Variants in WDR7 observed in about 807,000 individuals in gnomAD.
The protein encoded by WDR7 is WD repeat domain 7.
WDR7 carries 46 observed loss-of-function variants against 169.4 expected under a neutral mutation model. The ratio of observed to expected loss-of-function variants is 0.27; its 90% confidence interval spans 0.21 to 0.35. The LOEUF (loss-of-function observed/expected upper bound fraction) is 0.35. WDR7 is among the 10% of genes least tolerant of loss of function. The probability of loss-of-function intolerance (pLI) is 1.00; values close to 1 mark genes in which losing one functional copy is unlikely to be tolerated. For synonymous variants in WDR7, 612 were observed against 666.8 expected (o/e 0.92, Z 1.27); for missense variants, 1,534 against 1,859.3 (o/e 0.83, Z 3.22).
chr18:56,700,131 A>G (rs2025790681), intron 12 of WDR7, among the ~76,000 whole-genome samples: 1 of 152,124 alleles, frequency 6.6e-6, no homozygotes, highest in African/African-American at 2.4e-5. Flanking sequence ...TTCAAAGATG[A>G]CAAATATTGC....
At chr18:56,689,797 G>T (rs2025525653) in intron 7 of WDR7, among the ~76,000 whole-genome samples, 1 of 132,980 alleles carries the variant, frequency 7.5e-6, no homozygotes, top group Admixed American at 7.3e-5. Context: ...ATACTATATT[G>T]TTCTAACTTT....
chr18:56,749,253 T>A (rs1237383908), intron 14 of WDR7, among the ~76,000 whole-genome samples: 2 of 152,136 alleles, frequency 1.3e-5, no homozygotes, highest in African/African-American at 4.8e-5. Flanking sequence ...TTTAGGAAAT[T>A]TAAAATTATT....
At chr18:56,996,956 G>GA (rs960485847) in intron 26 of WDR7, among the ~76,000 whole-genome samples, 23 of 150,384 alleles carry the variant, frequency 1.5e-4, no homozygotes, top group Admixed American at 7.3e-4. Flanking sequence ...CTAAGAAGAA[G>GA]AAAAAAAAAC....
intron 18 of WDR7, among the ~76,000 whole-genome samples, chr18:56,780,398 G>C (rs74619241): frequency 2.6e-5 from 4 of 151,902 alleles, no homozygotes; most frequent in African/African-American, 9.7e-5. Flanking sequence ...ACTCCAAATG[G>C]GATTGCAGAA....
chr18:56,911,979 C>T (rs962464148), intron 21 of WDR7, among the ~76,000 whole-genome samples: 5 of 152,200 alleles, frequency 3.3e-5, no homozygotes, highest in African/African-American at 1.2e-4. Flanking sequence ...AAAAACTGAG[C>T]ATGAGCCTTT....
rs1012947951 is a variant in WDR7, at chr18:56,759,087, G to A, written c.2848+134G>A. The A allele has an allele frequency of 1.0e-5, 6 of 573,100 alleles. No individual in the cohort carries two copies. In the African/African-American group the frequency reaches 1.2e-4, roughly 11 times the overall value. 35.5% of individuals were successfully genotyped at this position (573,100 alleles called of 1,614,324 possible). A position where few individuals can be genotyped will look rare whatever the true frequency, so the allele number is the denominator to read the frequency against. ...AGAGAAAAGTTGTTATATTCCAGAT[G>A]TAAATATGGATAATTAAGATGTCAG... On this transcript the variant is annotated intron_variant, in intron 16 of 27. Coordinates refer to ENST00000254442, the MANE Select transcript of WDR7 (RefSeq NM_015285.3).
chr18:56,821,705 G>A lies in WDR7; in HGVS notation c.3304+5561G>A, dbSNP rs1306661959. 3.3e-5 allele frequency among the ~76,000 whole-genome samples: 5 copies of A among 150,886 alleles called. No homozygotes were observed. In the East Asian group the frequency reaches 9.7e-4, roughly 29 times the overall value. On this transcript the variant is annotated intron_variant, in intron 20 of 27. Transcript: ENST00000254442. Reference sequence around the variant, plus strand: ...GCCTAGGCTGGTCTCAAACTCTTGGGTTTGGCTGGGCATGAATAGTGGCTC... The same window carrying A: ...GCCTAGGCTGGTCTCAAACTCTTGGATTTGGCTGGGCATGAATAGTGGCTC...
chr18:56,840,635 A>G (rs1165835518), intron 20 of WDR7, among the ~76,000 whole-genome samples: 2 of 152,130 alleles, frequency 1.3e-5, no homozygotes, highest in African/African-American at 4.8e-5. Context: ...AGCCTGGGCA[A>G]CATGGCAAAA....
chr18:56,802,507 G>A (rs1457134977), intron 19 of WDR7, among the ~76,000 whole-genome samples: 6 of 146,622 alleles, frequency 4.1e-5, no homozygotes, highest in African/African-American at 7.6e-5. Context: ...ACAGGCACCC[G>A]CCGCCACACC....
intron 18 of WDR7, among the ~76,000 whole-genome samples, chr18:56,780,088 C>T (rs1438546013): frequency 6.6e-6 from 1 of 152,074 alleles, no homozygotes; most frequent in African/African-American, 2.4e-5. Flanking sequence ...TAATATATTC[C>T]TCATGGGATT....
At chr18:56,904,205 G>A (rs1447456793) in intron 21 of WDR7, among the ~76,000 whole-genome samples, 1 of 151,886 alleles carries the variant, frequency 6.6e-6, no homozygotes, top group Non-Finnish European at 1.5e-5. Flanking sequence ...GAGTAGCTGG[G>A]ATTACAGGCA....
At chr18:56,672,404 A>T in intron 1 of WDR7, 93 bp from the exon 2 acceptor site, 4 of 1,055,846 alleles carry the variant, frequency 3.8e-6, no homozygotes, top group Non-Finnish European at 5.1e-6. Flanking sequence ...GGAATATATG[A>T]TTATTTTCAA....
intron 26 of WDR7, among the ~76,000 whole-genome samples, chr18:57,011,912 C>G (rs2048142059): frequency 6.6e-6 from 1 of 152,208 alleles, no homozygotes; most frequent in African/African-American, 2.4e-5. Flanking sequence ...GTTCCTAACT[C>G]TAATTATCCT....
At chr18:56,876,648 A>T (rs984131566) in intron 20 of WDR7, among the ~76,000 whole-genome samples, 5 of 152,170 alleles carry the variant, frequency 3.3e-5, no homozygotes, top group African/African-American at 4.8e-5. Flanking sequence ...GTGCATTGCT[A>T]CTCAGAAAAA....
intron 21 of WDR7, among the ~76,000 whole-genome samples, chr18:56,896,801 A>G (rs187344918): frequency 1.1e-4 from 16 of 151,980 alleles, no homozygotes; most frequent in South Asian, 2.1e-4. Flanking sequence ...ATGCCAAACC[A>G]AGCCACTAAG....
chr18:56,880,293 C>A, intron 21 of WDR7, 128 bp downstream of exon 21: 1 of 868,988 alleles, frequency 1.2e-6, no homozygotes, highest in Non-Finnish European at 1.8e-6. Flanking sequence ...AGTTAGAAAG[C>A]AGTACAATCT....
intron 20 of WDR7, among the ~76,000 whole-genome samples, chr18:56,859,783 A>G (rs2045776437): frequency 6.6e-6 from 1 of 152,254 alleles, no homozygotes; most frequent in African/African-American, 2.4e-5. Flanking sequence ...CGTCTTAGTA[A>G]TGATGAGGAA....
intron 20 of WDR7, among the ~76,000 whole-genome samples, chr18:56,866,188 T>G (rs1271626165): frequency 6.6e-6 from 1 of 152,202 alleles, no homozygotes; most frequent in Non-Finnish European, 1.5e-5. Context: ...ATCTATAAAA[T>G]ATCTGTTGTT....
At chr18:56,933,459 T>A (rs1387499788) in intron 22 of WDR7, among the ~76,000 whole-genome samples, 1 of 152,220 alleles carries the variant, frequency 6.6e-6, no homozygotes, top group Non-Finnish European at 1.5e-5. Context: ...ATGGCTGCTC[T>A]CCCTTACAAT....
Sources: gnomAD v4.1 joint callset for allele counts (sites outside exome capture counted in the v4.1 genomes callset) on GRCh38, gnomAD v4.1.1 for gene constraint, MANE v1.5 for transcripts, NCBI Gene and HGNC (gene_info 2026-07-23, HGNC 2026-07-21) for gene names.